Variants in PALLD observed in about 807,000 individuals in gnomAD.
The protein encoded by PALLD is palladin.
A neutral mutation model predicts 123.5 loss-of-function variants in PALLD; 61 were observed. The ratio of observed to expected loss-of-function variants is 0.49; its 90% CI spans 0.40 to 0.61. The LOEUF is 0.61. PALLD is among the 20% of genes least tolerant of loss of function. The pLI, the probability that PALLD is intolerant of heterozygous loss-of-function variation, is 0.00. For synonymous variants in PALLD, 465 were observed against 496.4 expected, an observed-to-expected ratio of 0.94 and a Z score of 0.84; for missense variants, 1,273 against 1,377.0, an observed-to-expected ratio of 0.92 and a Z score of 1.20.
chr4:168,516,424 C>T (rs1184620030), intron 2 of PALLD, among the ~76,000 whole-genome samples: 1 of 151,806 alleles, frequency 6.6e-6, no homozygotes, highest in East Asian at 1.9e-4. Context: ...AAATTACCTC[C>T]GGTATTATAA....
chr4:168,670,603 G>C (rs1780111637), intron 3 of PALLD, among the ~76,000 whole-genome samples: 1 of 150,514 alleles, frequency 6.6e-6, no homozygotes, highest in South Asian at 2.1e-4. Context: ...CGCGGTGGCG[G>C]GCGCCTGTAG....
At chr4:168,558,262 G>A (rs374030831) in intron 2 of PALLD, among the ~76,000 whole-genome samples, 9 of 152,246 alleles carry the variant, frequency 5.9e-5, no homozygotes, top group South Asian at 4.1e-4. Context: ...GCAGATCAGC[G>A]CTTCCCTGGC....
At chr4:168,621,313 C>T (rs890284471) in intron 2 of PALLD, among the ~76,000 whole-genome samples, 20 of 152,182 alleles carry the variant, frequency 1.3e-4, no homozygotes, top group Non-Finnish European at 4.4e-5. Flanking sequence ...TAAAACTTTT[C>T]CAGATGTACA....
intron 2 of PALLD, among the ~76,000 whole-genome samples, chr4:168,634,824 C>T (rs1776182210): frequency 6.6e-6 from 1 of 152,084 alleles, no homozygotes; most frequent in South Asian, 2.1e-4. Flanking sequence ...TTTTTTTAAA[C>T]ATGGAAATTG....
Position 168,538,374 on chromosome 4 carries a change from G to A in PALLD, c.908+25962G>A, listed in dbSNP as rs140924344. On this transcript the variant is annotated intron_variant, in intron 2 of 21. Coordinates refer to ENST00000505667, the MANE Select transcript of PALLD (RefSeq NM_001166108.2). ...ACAAAGAAAATTGAAAGATTTAACC[G>A]AATGAGAAATTGCTTAATATAATTC... is the stretch of plus-strand genomic sequence containing the variant. 3.1e-3 allele frequency among the ~76,000 whole-genome samples: 478 copies of A among 151,832 alleles called. 10 individuals are homozygous for A. The highest frequency in any genetic ancestry group is 4.2e-3 in the East Asian group (22 of 5,180).
At chr4:168,578,003 T>C (rs1232825751) in intron 2 of PALLD, among the ~76,000 whole-genome samples, 1 of 152,070 alleles carries the variant, frequency 6.6e-6, no homozygotes, top group Non-Finnish European at 1.5e-5. Context: ...CAAAGACCCA[T>C]ACTACTTTTC....
intron 10 of PALLD, among the ~76,000 whole-genome samples, chr4:168,737,625 C>T (rs2150333696): frequency 6.6e-6 from 1 of 152,240 alleles, no homozygotes; most frequent in Non-Finnish European, 1.5e-5. Context: ...CTGCATTCCT[C>T]AGTGACATTC....
Position 168,534,736 on chromosome 4 carries a change from T to C in PALLD, c.908+22324T>C, listed in dbSNP as rs1312836895. 3.3e-5 allele frequency among the ~76,000 whole-genome samples: 5 copies of C among 152,320 alleles called. No individual in the cohort carries two copies. The East Asian group carries it at 7.7e-4, about 24-fold the overall frequency. On this transcript the variant is annotated intron_variant, in intron 2 of 21. Transcript: ENST00000505667. The stretch of plus-strand genomic sequence containing the variant: ...CTGACATCTTTTCAACCACATACAT[T>C]GTATCTTTGTCATGACAGCCACAGG...
At chr4:168,595,075 A>T (rs1031085686) in intron 2 of PALLD, among the ~76,000 whole-genome samples, 3 of 152,274 alleles carry the variant, frequency 2.0e-5, no homozygotes, top group African/African-American at 7.2e-5. Context: ...TAAATGACTA[A>T]TCCAAAAGAC....
intron 2 of PALLD, among the ~76,000 whole-genome samples, chr4:168,657,707 G>C (rs1326663600): frequency 5.3e-5 from 8 of 152,352 alleles, no homozygotes; most frequent in Non-Finnish European, 1.0e-4. Context: ...ACAGGCACCT[G>C]AGACTAGGCA....
chr4:168,638,749 A>G (rs1376320767), intron 2 of PALLD, among the ~76,000 whole-genome samples: 1 of 147,804 alleles, frequency 6.8e-6, no homozygotes, highest in Non-Finnish European at 1.5e-5. Flanking sequence ...CACTAACCCT[A>G]TTCATGAGGC....
At chr4:168,875,404 A>G (rs1751614871) in intron 10 of PALLD, among the ~76,000 whole-genome samples, 1 of 152,206 alleles carries the variant, frequency 6.6e-6, no homozygotes, top group Non-Finnish European at 1.5e-5. Context: ...ATCACATCAC[A>G]GTCCAGATAT....
chr4:168,877,928 C>G lies in PALLD; in HGVS notation c.1965-12994C>G. The G allele has an allele frequency of 6.7e-7, 1 of 1,491,332 alleles. No individual in the cohort carries two copies. The highest frequency in any genetic ancestry group is 8.9e-7 in the Non-Finnish European group (1 of 1,125,612). The allele number at this position is 1,491,332 out of a possible 1,614,324, so 92.4% of individuals were successfully genotyped here. A position where few individuals can be genotyped will look rare whatever the true frequency, so the allele number is the denominator to read the frequency against. On this transcript the variant is annotated intron_variant, in intron 10 of 21. Transcript: ENST00000505667. ...GGCCTCCCGCTCCGCCCCCGCCATGCAGTCCTCCGGCTCCTTCAACTACGC... is the reference window on the plus strand; with the variant it reads ...GGCCTCCCGCTCCGCCCCCGCCATGGAGTCCTCCGGCTCCTTCAACTACGC...
chr4:168,679,648 G>A (rs1781349173), intron 3 of PALLD, among the ~76,000 whole-genome samples: 1 of 151,974 alleles, frequency 6.6e-6, no homozygotes, highest in Admixed American at 6.6e-5. Context: ...TCTGACTTAA[G>A]GTTACATGAC....
At chr4:168,806,748 T>C (rs1219821401) in intron 10 of PALLD, among the ~76,000 whole-genome samples, 3 of 152,174 alleles carry the variant, frequency 2.0e-5, no homozygotes, top group Non-Finnish European at 4.4e-5. Flanking sequence ...TCGTTTAGCA[T>C]AGATCCTTTT....
chr4:168,894,283 T>TC lies in PALLD; in HGVS notation c.2101-295dup. On this transcript the variant is annotated intron_variant, in intron 11 of 21. Coordinates refer to ENST00000505667, the MANE Select transcript of PALLD (RefSeq NM_001166108.2). ...TTAAATATCTTTTTTTCCATGTTTT[T>TC]CATTAAGGACATGACAAATCTTTTC... 3 of 402,268 alleles carry TC rather than the reference T, an allele frequency of 7.5e-6. No homozygotes were observed. In the South Asian group the frequency reaches 8.1e-5, roughly 11 times the overall value. The allele number at this position is 402,268 out of a possible 1,614,324, so 24.9% of individuals were successfully genotyped here.
chr4:168,595,428 T>C (rs1488380810), intron 2 of PALLD, among the ~76,000 whole-genome samples: 2 of 152,184 alleles, frequency 1.3e-5, no homozygotes, highest in Non-Finnish European at 2.9e-5. Flanking sequence ...GTCTTCTTTC[T>C]TGTACTAGTT....
intron 2 of PALLD, among the ~76,000 whole-genome samples, chr4:168,659,608 A>C (rs139864920): frequency 6.6e-6 from 1 of 152,212 alleles, no homozygotes; most frequent in East Asian, 1.9e-4. Flanking sequence ...TAAAGACTCA[A>C]CAGTTTTTAA....
intron 3 of PALLD, among the ~76,000 whole-genome samples, chr4:168,680,481 CAAAAA>C (rs571607157): frequency 5.1e-5 from 3 of 59,150 alleles, no homozygotes; most frequent in South Asian, 9.9e-4. Flanking sequence ...GATTCCGTCT[CAAAAA>C]AAAAAAAAAA....
Sources: allele counts gnomAD v4.1 joint callset (sites outside exome capture counted in the v4.1 genomes callset), GRCh38; gene constraint gnomAD v4.1.1; transcripts MANE v1.5; gene names NCBI Gene and HGNC (gene_info 2026-07-23, HGNC 2026-07-21).